The following PPFIBP2 variants were observed in gnomAD, a reference collection of about 807,000 sequenced individuals.
PPFIBP2 encodes PPFIB scaffold protein 2, also known as liprin-beta-2.
A neutral mutation model predicts 118.3 loss-of-function variants in PPFIBP2; 118 were observed. That is an observed-to-expected ratio of 1.00 (90% CI 0.86 to 1.16). The LOEUF (loss-of-function observed/expected upper bound fraction) is 1.16, where lower values mean the gene tolerates loss of function less well. PPFIBP2 is among the 50% of genes most tolerant of loss of function. PPFIBP2 has a pLI of 0.00. For synonymous variants in PPFIBP2, 414 were observed against 397.4 expected (o/e 1.04, Z -0.50); for missense variants, 1,195 against 1,073.1 (o/e 1.11, Z -1.59).
intron 3 of PPFIBP2, among the ~76,000 whole-genome samples, chr11:7,585,610 C>T (rs1396065230): frequency 2.0e-5 from 3 of 152,200 alleles, no homozygotes. Context: ...ATAAAGCAGT[C>T]ATGCTGCCCA....
intron 4 of PPFIBP2, among the ~76,000 whole-genome samples, chr11:7,593,585 A>G (rs1341222592): frequency 2.0e-5 from 3 of 152,206 alleles, no homozygotes; most frequent in East Asian, 1.9e-4. Context: ...ATATATCCTC[A>G]TGCCACTAAT....
At chr11:7,658,582 T>C (rs1169157537), downstream of PPFIBP2, among the ~76,000 whole-genome samples, 8 of 58,634 alleles carry the variant, frequency 1.4e-4, no homozygotes, top group Admixed American at 3.9e-4. Context: ...GTCTTTGCTA[T>C]TGTGAATAAT....
At chr11:7,541,321 G>C (rs546315776) in intron 1 of PPFIBP2, among the ~76,000 whole-genome samples, 3 of 152,324 alleles carry the variant, frequency 2.0e-5, no homozygotes, top group Non-Finnish European at 2.9e-5. Context: ...GTTCGGAGGA[G>C]GGTAACCGGT....
At chr11:7,651,894 C>T in intron 23 of PPFIBP2, 50 bp downstream of exon 23, 1 of 1,529,352 alleles carries the variant, frequency 6.5e-7, no homozygotes, top group African/African-American at 1.4e-5. Flanking sequence ...TCCTGGCCCT[C>T]ACGCAGCACA....
At chr11:7,515,798 C>G (rs1048876981) in intron 1 of PPFIBP2, among the ~76,000 whole-genome samples, 4 of 152,192 alleles carry the variant, frequency 2.6e-5, no homozygotes, top group Non-Finnish European at 5.9e-5. Context: ...AGTCAAAGAC[C>G]TTGGTCCTTG....
chr11:7,535,752 G>C (rs920893879), intron 1 of PPFIBP2, among the ~76,000 whole-genome samples: 2 of 152,182 alleles, frequency 1.3e-5, no homozygotes, highest in Non-Finnish European at 2.9e-5. Flanking sequence ...ACTCAGGTGA[G>C]AGGAGGTTCT....
chr11:7,533,250 G>A (rs1850911384), intron 1 of PPFIBP2, among the ~76,000 whole-genome samples: 2 of 152,186 alleles, frequency 1.3e-5, no homozygotes, highest in Admixed American at 6.5e-5. Context: ...GGCTGTAAGA[G>A]AGAAGGGACC....
intron 1 of PPFIBP2, among the ~76,000 whole-genome samples, chr11:7,546,589 G>A (rs903319679): frequency 1.1e-4 from 17 of 152,230 alleles, no homozygotes; most frequent in Admixed American, 1.1e-3. Flanking sequence ...GATGCTGTGG[G>A]TGTGATTCCC....
intron 23 of PPFIBP2, among the ~76,000 whole-genome samples, chr11:7,652,716 A>C (rs1020848511): frequency 6.6e-6 from 1 of 152,234 alleles, no homozygotes; most frequent in Non-Finnish European, 1.5e-5. Flanking sequence ...GCAGACCTCA[A>C]GTACATTCTA....
intron 5 of PPFIBP2, among the ~76,000 whole-genome samples, chr11:7,601,371 C>T (rs1861399467): frequency 6.6e-6 from 1 of 152,112 alleles, no homozygotes; most frequent in African/African-American, 2.4e-5. Context: ...CCACATGAGC[C>T]CACCTAGATT....
intron 3 of PPFIBP2, among the ~76,000 whole-genome samples, chr11:7,586,142 C>T (rs888332067): frequency 7.2e-5 from 11 of 152,112 alleles, no homozygotes; most frequent in Admixed American, 1.3e-4. Context: ...GTCACAGAGG[C>T]TTTCTTTTTG....
At chr11:7,580,004 A>C (rs1184173011) in intron 3 of PPFIBP2, among the ~76,000 whole-genome samples, 1 of 151,846 alleles carries the variant, frequency 6.6e-6, no homozygotes, top group African/African-American at 2.4e-5. Flanking sequence ...CCCAGTGATG[A>C]GCCCCCCTGG....
intron 1 of PPFIBP2, among the ~76,000 whole-genome samples, chr11:7,519,312 G>A (rs968082101): frequency 6.6e-6 from 1 of 152,310 alleles, no homozygotes; most frequent in East Asian, 1.9e-4. Flanking sequence ...GATCAGGGCT[G>A]CGAGAATGGA....
downstream of PPFIBP2, chr11:7,656,984 T>C (rs1854745868): frequency 2.6e-6 from 1 of 380,020 alleles, no homozygotes; most frequent in Non-Finnish European, 5.1e-6. Flanking sequence ...CCAGGGTCCA[T>C]GTGTGTCTTC....
intron 14 of PPFIBP2, among the ~76,000 whole-genome samples, chr11:7,636,399 G>T (rs1165240290): frequency 2.6e-5 from 4 of 152,134 alleles, no homozygotes; most frequent in Non-Finnish European, 4.4e-5. Flanking sequence ...GTAGCAGTTG[G>T]TTCTTCAAGT....
downstream of PPFIBP2, among the ~76,000 whole-genome samples, chr11:7,656,247 C>A (rs1264340356): frequency 2.0e-5 from 3 of 152,220 alleles, no homozygotes; most frequent in Admixed American, 6.5e-5. Context: ...CTTGGACATT[C>A]CATCACTGAG....
At position 7,540,023 on chromosome 11, in the gene PPFIBP2, G is replaced by A. The variant is rs199551283; in HGVS notation, c.-36-9417G>A. Among the ~76,000 whole-genome samples the A allele has an allele frequency of 3.3e-4, 3 of 9,010 alleles. No individual in the cohort carries two copies. The African/African-American group carries it at 5.5e-3, about 17-fold the overall frequency. 5.9% of individuals were successfully genotyped at this position (9,010 alleles called of 152,430 possible). A position where few individuals can be genotyped will look rare whatever the true frequency, so the allele number is the denominator to read the frequency against. ...GTTCATTAATGTTAAAGAGCTTGTC[G>A]GGGCACAGCTCATGAAGGAAAGAAC... is the stretch of plus-strand genomic sequence containing the variant. On this transcript the variant is annotated intron_variant, in intron 1 of 23. Transcript: ENST00000299492.
chr11:7,550,976 A>G (rs961100132), intron 2 of PPFIBP2, among the ~76,000 whole-genome samples: 3 of 152,120 alleles, frequency 2.0e-5, no homozygotes, highest in Non-Finnish European at 4.4e-5. Context: ...CAGACGGCCT[A>G]TTGTGGGACC....
intron 17 of PPFIBP2, among the ~76,000 whole-genome samples, chr11:7,647,628 T>C (rs1416509748): frequency 2.0e-5 from 3 of 152,146 alleles, no homozygotes; most frequent in Non-Finnish European, 2.9e-5. Context: ...TATTAGAAAA[T>C]TATTGATCTT....
Sources: allele counts gnomAD v4.1 joint callset (sites outside exome capture counted in the v4.1 genomes callset), GRCh38; gene constraint gnomAD v4.1.1; transcripts MANE v1.5; gene names NCBI Gene and HGNC (gene_info 2026-07-23, HGNC 2026-07-21).